DNAI2: variants seen among roughly 807,000 people sequenced by gnomAD.
The protein encoded by DNAI2 is dynein, axonemal, intermediate polypeptide 2.
A neutral mutation model predicts 74.7 loss-of-function variants in DNAI2; 63 were observed. The ratio of observed to expected loss-of-function variants is 0.84; its 90% CI spans 0.69 to 1.04. The LOEUF is 1.04. Among genes scored for constraint, DNAI2 ranks in the 50% least tolerant of loss-of-function variants. The probability of loss-of-function intolerance (pLI) is 0.00; values close to 1 mark genes in which losing one functional copy is unlikely to be tolerated. For missense variants in DNAI2, 688 were observed against 803.2 expected (o/e 0.86, Z 1.73); for synonymous variants, 289 against 314.9 (o/e 0.92, Z 0.87).
chr17:74,289,705 C>T lies in DNAI2; in HGVS notation c.579C>T (p.Gly193=), dbSNP rs2051967453. ...TGGATTTTCAGCGGGCACCTGTGGG[C>T]ATGAGCAGCGATTCATACATCTGGG... ...SCLDFQRAPV[G]MSSDSYIWDL... The change falls in exon 5 of 14, where the codon GGC becomes GGT. Residue 193 remains glycine (G), a synonymous_variant. Coordinates refer to ENST00000311014, the MANE Select transcript of DNAI2 (RefSeq NM_023036.6). The T allele has an allele frequency of 1.9e-6, 3 of 1,613,880 alleles. No individual in the cohort carries two copies. The highest frequency in any genetic ancestry group is 1.7e-6 in the Non-Finnish European group (2 of 1,180,016).
intron 1 of DNAI2, among the ~76,000 whole-genome samples, chr17:74,280,333 A>C (rs1488225486): frequency 6.6e-6 from 1 of 152,206 alleles, no homozygotes; most frequent in African/African-American, 2.4e-5. Context: ...AGGTCTCAGA[A>C]AGACTAAGTG....
In DNAI2 at chr17:74,312,153, G is replaced by A. The variant is rs368063114; in HGVS notation, c.1645G>A (p.Glu549Lys). Reference sequence around the variant, plus strand: ...CCTGGAGGCGCTGGTCAGCAAGGCCGAGGAGGAGTTCTTCGACATCATCTT... The same window carrying A: ...CCTGGAGGCGCTGGTCAGCAAGGCCAAGGAGGAGTTCTTCGACATCATCTT... ...VDLEALVSKA[E>K]EEFFDIIFAE... is the part of the protein sequence containing the mutation. Residue 549 changes from glutamate to lysine, a missense_variant, in exon 12 of 14, where the codon GAG becomes AAG. Coordinates refer to ENST00000311014, the MANE Select transcript of DNAI2 (RefSeq NM_023036.6). 9.9e-5 allele frequency: 159 copies of A among 1,613,616 alleles called. No homozygotes were observed. The highest frequency in any genetic ancestry group is 1.3e-4 in the Non-Finnish European group (152 of 1,179,968).
rs192589260 is a variant in DNAI2, at chr17:74,278,890, G to A, written c.-11-2917G>A. On this transcript the variant is annotated intron_variant, in intron 1 of 13. Coordinates refer to ENST00000311014, the MANE Select transcript of DNAI2 (RefSeq NM_023036.6). ...TACATTTAAAAATAACTAACAGGCC[G>A]GGCGCGGTGGCTCACGCCTGTAATC... Among the ~76,000 whole-genome samples, 303 of 152,334 alleles carry A rather than the reference G, an allele frequency of 2.0e-3. 1 individual carries two copies. Among genetic ancestry groups the A allele is most frequent in the Non-Finnish European group, 2.9e-3 (200 of 68,028 alleles).
At chr17:74,287,939 A>T (rs1343680735) in intron 4 of DNAI2, among the ~76,000 whole-genome samples, 1 of 146,650 alleles carries the variant, frequency 6.8e-6, no homozygotes, top group East Asian at 2.1e-4. Flanking sequence ...TGGGCAATAC[A>T]GCAAGACTCT....
chr17:74,292,757 G>A (rs923145433), intron 6 of DNAI2, among the ~76,000 whole-genome samples: 3 of 151,392 alleles, frequency 2.0e-5, no homozygotes, highest in Non-Finnish European at 1.5e-5. Context: ...TTATGGCCTA[G>A]CATATTGTCT....
chr17:74,309,722 A>G (rs2053403788), intron 10 of DNAI2: 3 of 628,868 alleles, frequency 4.8e-6, no homozygotes, highest in Non-Finnish European at 8.5e-6. Flanking sequence ...CTTCCCCTTC[A>G]TGTCAGGGTG....
intron 10 of DNAI2, chr17:74,309,772 G>C (rs1048096628): frequency 1.9e-5 from 12 of 642,700 alleles, no homozygotes; most frequent in Admixed American, 4.8e-5. Flanking sequence ...ACGGAAGGGT[G>C]GGGGCATTGG....
chr17:74,297,539 G>C (rs913437825), intron 6 of DNAI2, among the ~76,000 whole-genome samples: 1 of 151,690 alleles, frequency 6.6e-6, no homozygotes, highest in Non-Finnish European at 1.5e-5. Context: ...ATGCCACCAC[G>C]CCTGGCTAAT....
In DNAI2 at chr17:74,310,084, A is replaced by G. The variant is rs765028301; in HGVS notation, c.1415A>G (p.Gln472Arg). 6.8e-6 allele frequency: 11 copies of G among 1,613,748 alleles called. No homozygotes were observed. The highest frequency in any genetic ancestry group is 9.3e-6 in the Non-Finnish European group (11 of 1,180,030). The stretch of plus-strand genomic sequence containing the variant: ...GGGTGTCTCATCGCCTGCGGCTCCC[A>G]GCTGGGGACAACCACCCTGCTGGAG... ...DNGCLIACGS[Q>R]LGTTTLLEVS... Residue 472 changes from glutamine (Q) to arginine (R), a missense_variant, in exon 11 of 14, where the codon CAG (glutamine) becomes CGG (arginine). Coordinates refer to ENST00000311014, the MANE Select transcript of DNAI2 (RefSeq NM_023036.6).
rs1183621541 is a variant in DNAI2, at chr17:74,300,544, C to T, written c.865-502C>T. 6.6e-6 allele frequency among the ~76,000 whole-genome samples: 1 copy of T among 152,198 alleles called. No individual in the cohort carries two copies. The highest frequency in any genetic ancestry group is 1.5e-5 in the Non-Finnish European group (1 of 68,034). ...GCTGCCCCATGCCTATTAATAACTG[C>T]ATCATGTGGGTGTACCATAATTTAT... is the stretch of plus-strand genomic sequence containing the variant. On this transcript the variant is annotated intron_variant, in intron 7 of 13. Transcript: ENST00000311014. The surrounding 1 kb of genome is among the most constrained non-coding windows in gnomAD (Gnocchi z 4.5).
intron 4 of DNAI2, among the ~76,000 whole-genome samples, chr17:74,289,075 C>G (rs980297577): frequency 2.0e-5 from 3 of 152,224 alleles, no homozygotes; most frequent in Non-Finnish European, 2.9e-5. Flanking sequence ...TTTTCTGAGG[C>G]AGGGCTGACT....
intron 8 of DNAI2, among the ~76,000 whole-genome samples, chr17:74,303,639 C>A (rs1173613585): frequency 1.4e-5 from 2 of 147,566 alleles, no homozygotes; most frequent in Non-Finnish European, 3.0e-5. Flanking sequence ...CTTGCCCAGG[C>A]TGGAGTGCAG....
chr17:74,282,624 A>G (rs2051460670), intron 2 of DNAI2, among the ~76,000 whole-genome samples: 1 of 152,208 alleles, frequency 6.6e-6, no homozygotes, highest in African/African-American at 2.4e-5. Context: ...CTGAGGGAGC[A>G]GAGATTCATA....
At chr17:74,282,505 T>G (rs2051454703) in intron 2 of DNAI2, among the ~76,000 whole-genome samples, 1 of 152,226 alleles carries the variant, frequency 6.6e-6, no homozygotes, top group South Asian at 2.1e-4. Context: ...TTTGCCATGT[T>G]GCCCAGGCTG....
intron 6 of DNAI2, among the ~76,000 whole-genome samples, chr17:74,295,233 T>TAAAAAAAAAAAAAA (rs57143936): frequency 1.2e-4 from 13 of 112,354 alleles, no homozygotes; most frequent in Non-Finnish European, 2.2e-4. Flanking sequence ...CATCTCTACT[T>TAAAAAAAAAAAAAA]AAAAAAAAAA....
intron 12 of DNAI2, among the ~76,000 whole-genome samples, chr17:74,313,387 G>A (rs532090167): frequency 6.6e-6 from 1 of 152,252 alleles, no homozygotes; most frequent in Non-Finnish European, 1.5e-5. Context: ...TACAGGTGGG[G>A]CAGAGAGCTC....
chr17:74,280,948 C>A (rs771487732), intron 1 of DNAI2, among the ~76,000 whole-genome samples: 2 of 151,748 alleles, frequency 1.3e-5, no homozygotes, highest in Non-Finnish European at 2.9e-5. Flanking sequence ...CTTAGCCAGG[C>A]ATGGTACTGC....
intron 3 of DNAI2, among the ~76,000 whole-genome samples, chr17:74,286,723 C>A (rs2051766175): frequency 6.6e-6 from 1 of 152,188 alleles, no homozygotes; most frequent in African/African-American, 2.4e-5. Context: ...CCGCACCCAG[C>A]CCATCAAATG....
In DNAI2 at chr17:74,312,195, A is replaced by G; in HGVS notation, c.1687A>G (p.Lys563Glu). 2 of 1,603,334 alleles carry G rather than the reference A, an allele frequency of 1.2e-6. No individual in the cohort carries two copies. The highest frequency in any genetic ancestry group is 1.4e-5 in the African/African-American group (1 of 72,836). ...FDIIFAELKK[K>E]EADAIKLTPV... The stretch of plus-strand genomic sequence containing the variant: ...CATCATCTTCGCAGAGCTGAAGAAG[A>G]AGGAGGCAGACGCCATAAAGCTGAC... The change falls in exon 12 of 14, where the codon AAG becomes GAG. Residue 563 changes from lysine to glutamate, a missense_variant. By Grantham distance (56) the Lys-to-Glu change is moderately conservative. Coordinates refer to ENST00000311014, the MANE Select transcript of DNAI2 (RefSeq NM_023036.6).
Sources: allele counts gnomAD v4.1 joint callset (sites outside exome capture counted in the v4.1 genomes callset), GRCh38; gene constraint gnomAD v4.1.1; non-coding constraint Gnocchi (gnomAD v3.1); transcripts MANE v1.5; gene names NCBI Gene and HGNC (gene_info 2026-07-23, HGNC 2026-07-21).